Variants in NAV2 observed in about 807,000 individuals in gnomAD.
NAV2 encodes the protein neuron navigator 2, also known as helicase, APC down-regulated 1.
Under a neutral mutation model 223.2 loss-of-function variants are expected in NAV2, and 54 were observed. That is an observed-to-expected ratio of 0.24 (90% CI 0.19 to 0.30). The LOEUF is 0.30. Ranked by LOEUF, NAV2 falls within the 10% of genes least tolerant of loss-of-function variation. The pLI, the probability that NAV2 is intolerant of heterozygous loss-of-function variation, is 1.00. For synonymous variants in NAV2, 1,279 were observed against 1,239.3 expected, an observed-to-expected ratio of 1.03 and a Z score of -0.67; for missense variants, 2,806 against 3,147.5, an observed-to-expected ratio of 0.89 and a Z score of 2.60.
intron 1 of NAV2, among the ~76,000 whole-genome samples, chr11:19,796,172 G>A (rs1443230297): frequency 6.6e-6 from 1 of 152,138 alleles, no homozygotes; most frequent in African/African-American, 2.4e-5. Flanking sequence ...TTTCATACAG[G>A]GAATTGGATA....
At chr11:19,746,780 A>G (rs934026861) in intron 1 of NAV2, among the ~76,000 whole-genome samples, 3 of 151,736 alleles carry the variant, frequency 2.0e-5, no homozygotes, top group Admixed American at 6.6e-5. Flanking sequence ...TGCCCCCTAA[A>G]ATTGGTACTC....
At chr11:19,431,775 G>T (rs1310367799) in intron 1 of NAV2, among the ~76,000 whole-genome samples, 1 of 152,244 alleles carries the variant, frequency 6.6e-6, no homozygotes, top group African/African-American at 2.4e-5. Context: ...AGTAAGCCAA[G>T]ATTTGCACAT....
intron 1 of NAV2, among the ~76,000 whole-genome samples, chr11:19,476,033 G>A (rs1051468076): frequency 2.0e-5 from 3 of 152,096 alleles, no homozygotes; most frequent in Admixed American, 1.3e-4. Context: ...GGAGTGCAGC[G>A]GCGGGATCTT....
intron 1 of NAV2, among the ~76,000 whole-genome samples, chr11:19,476,638 C>A (rs192324553): frequency 3.2e-4 from 48 of 152,304 alleles, no homozygotes; most frequent in Non-Finnish European, 4.7e-4. Flanking sequence ...TGATCCAATA[C>A]ACCGGGAAGC....
intron 36 of NAV2, among the ~76,000 whole-genome samples, chr11:20,110,738 A>T (rs563303481): frequency 3.3e-5 from 5 of 152,204 alleles, no homozygotes; most frequent in Admixed American, 2.0e-4. Flanking sequence ...CTTTATTTTT[A>T]AAAAATTAAA....
intron 3 of NAV2, among the ~76,000 whole-genome samples, chr11:19,867,046 G>A: frequency 6.6e-6 from 1 of 152,150 alleles, no homozygotes; most frequent in East Asian, 1.9e-4. Context: ...GTCCTTTTGA[G>A]TGGATTTGGT....
chr11:19,504,705 A>G (rs1283876828), intron 1 of NAV2, among the ~76,000 whole-genome samples: 2 of 152,198 alleles, frequency 1.3e-5, no homozygotes, highest in Non-Finnish European at 2.9e-5. Context: ...AGTAACCAAC[A>G]GTGCTTTCTG....
chr11:19,631,322 G>T (rs1191647947), intron 1 of NAV2, among the ~76,000 whole-genome samples: 1 of 146,586 alleles, frequency 6.8e-6, no homozygotes, highest in Non-Finnish European at 1.5e-5. Flanking sequence ...TGTTCTCATT[G>T]TTCAATTCCC....
intron 1 of NAV2, among the ~76,000 whole-genome samples, chr11:19,389,857 G>T (rs192957618): frequency 1.3e-5 from 2 of 152,280 alleles, no homozygotes; most frequent in Non-Finnish European, 2.9e-5. Context: ...CATGGTGAAG[G>T]ACTGGCCAGG....
At position 20,062,291 on chromosome 11, in the gene NAV2, T is replaced by C; in HGVS notation, c.4832-16T>C. ...ACAGCCATCTATCAATTCACCTTTT[T>C]TTTTTCTTTTAATAGTTCATGGATC... On this transcript the variant is annotated splice_polypyrimidine_tract_variant and intron_variant, in intron 19 of 37. Coordinates refer to ENST00000349880, the MANE Select transcript of NAV2 (RefSeq NM_145117.5). 1 of 1,601,556 alleles carries C rather than the reference T, an allele frequency of 6.2e-7. No homozygotes were observed.
chr11:19,651,098 G>A (rs1273566886), intron 1 of NAV2, among the ~76,000 whole-genome samples: 1 of 152,142 alleles, frequency 6.6e-6, no homozygotes, highest in African/African-American at 2.4e-5. Context: ...GGCCAAGCCA[G>A]AACCTGAATC....
At chr11:19,595,244 T>C (rs1307839856) in intron 1 of NAV2, among the ~76,000 whole-genome samples, 2 of 152,128 alleles carry the variant, frequency 1.3e-5, no homozygotes, top group Non-Finnish European at 2.9e-5. Context: ...TGCCCTGTCC[T>C]TGGGCTAAGC....
intron 1 of NAV2, among the ~76,000 whole-genome samples, chr11:19,724,168 C>A (rs1251022314): frequency 6.6e-6 from 1 of 152,168 alleles, no homozygotes; most frequent in East Asian, 1.9e-4. Flanking sequence ...AGGAGTGTGA[C>A]TTGCCTCCAG....
Position 19,984,172 on chromosome 11 carries a change from G to A in NAV2, c.2693G>A (p.Arg898Gln), listed in dbSNP as rs761334724. 8.1e-6 allele frequency: 13 copies of A among 1,614,012 alleles called. No individual in the cohort carries two copies. The East Asian group carries it at 1.1e-4, about 14-fold the overall frequency. ...GLGLYTRRLNRLPDGMAVVRE... is the reference protein window; with the variant it reads ...GLGLYTRRLNQLPDGMAVVRE... ...GGCCTCTATACCCGTCGCCTGAACC[G>A]GCTCCCTGATGGGATGGCTGTGGTA... The change falls in exon 11 of 38, where the codon CGG becomes CAG. Residue 898 changes from arginine (R) to glutamine (Q), a missense_variant. Transcript: ENST00000349880.
rs368668263 is a variant in NAV2 at position 20,084,867 on chromosome 11, T to C, written c.5498+1688T>C. ...ATAGCAACCTGTGTGAGCAGAGCAC[T>C]ATTCCAGATGCTCTGAAGAGACCAA... is the stretch of plus-strand genomic sequence containing the variant. On this transcript the variant is annotated intron_variant, in intron 26 of 37. Coordinates refer to ENST00000349880, the MANE Select transcript of NAV2 (RefSeq NM_145117.5). Among the ~76,000 whole-genome samples the C allele has an allele frequency of 2.0e-5, 3 of 152,162 alleles. No homozygotes were observed. In the East Asian group the frequency reaches 5.8e-4, roughly 29 times the overall value.
intron 1 of NAV2, among the ~76,000 whole-genome samples, chr11:19,553,257 A>G (rs991107896): frequency 1.3e-5 from 2 of 152,196 alleles, no homozygotes; most frequent in Non-Finnish European, 2.9e-5. Context: ...AAATCTAGAG[A>G]CAGAGATACA....
intron 1 of NAV2, among the ~76,000 whole-genome samples, chr11:19,523,207 G>A (rs192350823): frequency 5.3e-5 from 8 of 152,132 alleles, no homozygotes; most frequent in Admixed American, 6.5e-5. Flanking sequence ...TCCTCCACAC[G>A]AACTCCCTTC....
chr11:19,520,785 C>G, intron 1 of NAV2, among the ~76,000 whole-genome samples: 1 of 152,230 alleles, frequency 6.6e-6, no homozygotes, highest in East Asian at 1.9e-4. Flanking sequence ...CCAGGTACCT[C>G]TGGGTACCAG....
At chr11:19,505,892 G>A (rs747971118) in intron 1 of NAV2, 5 of 152,224 alleles carry the variant, frequency 3.3e-5, no homozygotes, top group Non-Finnish European at 7.3e-5. Context: ...AAGGAAGCGA[G>A]GCAAAGAAGG....
Sources: gnomAD v4.1 joint callset for allele counts (sites outside exome capture counted in the v4.1 genomes callset) on GRCh38, gnomAD v4.1.1 for gene constraint, MANE v1.5 for transcripts, NCBI Gene and HGNC (gene_info 2026-07-23, HGNC 2026-07-21) for gene names.